The following CNTNAP2 variants were observed in gnomAD, a reference collection of about 807,000 sequenced individuals.
CNTNAP2 encodes the protein contactin-associated protein-like 2.
A neutral mutation model predicts 155.2 loss-of-function variants in CNTNAP2; 98 were observed. The observed-to-expected ratio is 0.63, with a 90% CI of 0.54 to 0.75. CNTNAP2 has a LOEUF of 0.75. Ranked by LOEUF, CNTNAP2 falls within the 30% of genes least tolerant of loss-of-function variation. The probability of loss-of-function intolerance (pLI) is 0.00; values close to 1 mark genes in which losing one functional copy is unlikely to be tolerated. For missense variants in CNTNAP2, 1,727 were observed against 1,688.1 expected (o/e 1.02, Z -0.40); for synonymous variants, 651 against 631.2 (o/e 1.03, Z -0.47).
intron 13 of CNTNAP2, among the ~76,000 whole-genome samples, chr7:147,862,578 C>A (rs4308647): frequency 0.6 from 90,394 of 151,660 alleles, 27,216 homozygotes; most frequent in Middle Eastern, 0.7. Flanking sequence ...ATAACTGGGA[C>A]CCCTTACATT....
At chr7:146,252,710 A>T (rs1799773952) in intron 1 of CNTNAP2, among the ~76,000 whole-genome samples, 1 of 152,132 alleles carries the variant, frequency 6.6e-6, no homozygotes, top group Admixed American at 6.5e-5. Flanking sequence ...ATGTTTTAGG[A>T]TACCCATTGC....
intron 11 of CNTNAP2, among the ~76,000 whole-genome samples, chr7:147,508,461 C>G (rs922941891): frequency 3.3e-5 from 5 of 152,148 alleles, no homozygotes; most frequent in African/African-American, 1.2e-4. Context: ...CAGATACTCC[C>G]CATTTCTGAA....
intron 1 of CNTNAP2, among the ~76,000 whole-genome samples, chr7:146,315,037 G>A (rs1351835775): frequency 1.3e-5 from 2 of 152,168 alleles, no homozygotes; most frequent in Admixed American, 6.5e-5. Flanking sequence ...GAAAGCCAGG[G>A]AAGGCCCTCG....
intron 10 of CNTNAP2, among the ~76,000 whole-genome samples, chr7:147,426,823 TTGGATGGATGGA>T (rs751231663): frequency 3.3e-5 from 5 of 151,946 alleles, no homozygotes; most frequent in East Asian, 1.9e-4. Context: ...TTAGTTTTTG[TTGGATGGATGGA>T]TGGATGGATG....
chr7:147,489,709 A>T (rs1377810132), intron 11 of CNTNAP2, among the ~76,000 whole-genome samples: 1 of 152,130 alleles, frequency 6.6e-6, no homozygotes, highest in Non-Finnish European at 1.5e-5. Flanking sequence ...TCCACCTCCC[A>T]GGTTCAAGCG....
chr7:147,128,555 A>G (rs193249368), intron 6 of CNTNAP2, 138 bp from the exon 7 acceptor site: 1 of 869,784 alleles, frequency 1.1e-6, no homozygotes, highest in African/African-American at 1.7e-5. Context: ...AATATGCCAT[A>G]GATTTTGGAG....
chr7:146,391,030 G>A (rs1354975813), intron 1 of CNTNAP2, among the ~76,000 whole-genome samples: 1 of 148,384 alleles, frequency 6.7e-6, no homozygotes, highest in Non-Finnish European at 1.5e-5. Context: ...TCGCGCCACT[G>A]CACTCCAGCC....
At chr7:148,394,750 C>T (rs2116687205) in intron 22 of CNTNAP2, among the ~76,000 whole-genome samples, 1 of 152,302 alleles carries the variant, frequency 6.6e-6, no homozygotes. Context: ...AGAGATTCTG[C>T]ATTTCCAACA....
chr7:148,207,063 G>A (rs546759091), intron 18 of CNTNAP2, among the ~76,000 whole-genome samples: 2 of 152,290 alleles, frequency 1.3e-5, no homozygotes, highest in East Asian at 1.9e-4. Flanking sequence ...AACTCCGTTT[G>A]GGAAAAGTAT....
intron 1 of CNTNAP2, among the ~76,000 whole-genome samples, chr7:146,761,769 G>C (rs1802105516): frequency 6.6e-6 from 1 of 151,884 alleles, no homozygotes; most frequent in African/African-American, 2.4e-5. Flanking sequence ...ATTGCTTATA[G>C]CTAACTGGGT....
At chr7:148,301,077 C>T (rs1326589587) in intron 21 of CNTNAP2, among the ~76,000 whole-genome samples, 2 of 151,826 alleles carry the variant, frequency 1.3e-5, no homozygotes, top group Non-Finnish European at 2.9e-5. Context: ...GGGTGGATCA[C>T]GAGGTCAGGA....
chr7:146,640,517 G>A (rs993963228), intron 1 of CNTNAP2, among the ~76,000 whole-genome samples: 1 of 152,174 alleles, frequency 6.6e-6, no homozygotes, highest in Non-Finnish European at 1.5e-5. Flanking sequence ...TGCTCTCTAA[G>A]TGGAGTGGCA....
At chr7:148,299,001 T>C (rs1396542298) in intron 21 of CNTNAP2, among the ~76,000 whole-genome samples, 1 of 151,818 alleles carries the variant, frequency 6.6e-6, no homozygotes, top group African/African-American at 2.4e-5. Flanking sequence ...TTTTTTTTCT[T>C]TTTTTTTGAG....
chr7:146,893,559 A>T (rs1486330852), intron 3 of CNTNAP2, among the ~76,000 whole-genome samples: 1 of 152,038 alleles, frequency 6.6e-6, no homozygotes, highest in Non-Finnish European at 1.5e-5. Context: ...AGAAGCATGT[A>T]CAGGTTAAGA....
intron 1 of CNTNAP2, among the ~76,000 whole-genome samples, chr7:146,197,847 T>C (rs1267071132): frequency 6.6e-6 from 1 of 152,106 alleles, no homozygotes; most frequent in Non-Finnish European, 1.5e-5. Context: ...GCTATAAAAA[T>C]ACTACCTGAG....
chr7:146,560,350 T>G (rs887746846), intron 1 of CNTNAP2, among the ~76,000 whole-genome samples: 1 of 152,096 alleles, frequency 6.6e-6, no homozygotes, highest in Non-Finnish European at 1.5e-5. Context: ...TGATGGTGTA[T>G]ATACATATAT....
At chr7:147,055,392 G>T (rs1799541322) in intron 4 of CNTNAP2, among the ~76,000 whole-genome samples, 2 of 152,192 alleles carry the variant, frequency 1.3e-5, no homozygotes, top group South Asian at 2.1e-4. Flanking sequence ...GCACATGTCT[G>T]ATGAAAGAAG....
intron 3 of CNTNAP2, among the ~76,000 whole-genome samples, chr7:146,937,860 T>C (rs10267864): frequency 0.33 from 50,825 of 152,022 alleles, 8,872 homozygotes; most frequent in Middle Eastern, 0.42. Context: ...GTCAGTGTTC[T>C]GATGGTAGAA....
At chr7:148,131,868 C>G (rs973985766) in intron 16 of CNTNAP2, among the ~76,000 whole-genome samples, 1 of 151,408 alleles carries the variant, frequency 6.6e-6, no homozygotes, top group African/African-American at 2.4e-5. Context: ...AAAGTAGATA[C>G]AATAAATCAG....
Sources: gnomAD v4.1 joint callset for allele counts (sites outside exome capture counted in the v4.1 genomes callset) on GRCh38, gnomAD v4.1.1 for gene constraint, MANE v1.5 for transcripts, NCBI Gene and HGNC (gene_info 2026-07-23, HGNC 2026-07-21) for gene names.